The following SLX4IP variants were observed in gnomAD, a reference collection of about 807,000 sequenced individuals.
The protein encoded by SLX4IP is protein SLX4IP.
In SLX4IP, 34 loss-of-function variants were observed where a neutral mutation model predicts 32.9. That is an observed-to-expected ratio of 1.03 (90% CI 0.79 to 1.38). The LOEUF is 1.38. SLX4IP is among the 40% of genes most tolerant of loss of function. The pLI is 0.00. For synonymous variants in SLX4IP, 172 were observed against 171.7 expected (o/e 1.00, Z -0.01); for missense variants, 444 against 479.0 (o/e 0.93, Z 0.68).
intron 2 of SLX4IP, among the ~76,000 whole-genome samples, chr20:10,528,208 G>A (rs968296795): frequency 6.6e-6 from 1 of 152,042 alleles, no homozygotes; most frequent in Non-Finnish European, 1.5e-5. Context: ...CTAACTTTGC[G>A]CTATTCTTGC....
chr20:10,519,401 GT>G (rs763130717), intron 2 of SLX4IP, among the ~76,000 whole-genome samples: 7 of 152,028 alleles, frequency 4.6e-5, no homozygotes, highest in Non-Finnish European at 8.8e-5. Flanking sequence ...CTTGGCAACT[GT>G]TTATTTACTT....
intron 4 of SLX4IP, among the ~76,000 whole-genome samples, chr20:10,576,976 T>C (rs764893859): frequency 1.3e-5 from 2 of 152,194 alleles, no homozygotes; most frequent in Non-Finnish European, 2.9e-5. Context: ...AAATATATTT[T>C]ACACAGTTTT....
At chr20:10,510,837 C>G (rs554249328) in intron 2 of SLX4IP, among the ~76,000 whole-genome samples, 3 of 152,172 alleles carry the variant, frequency 2.0e-5, no homozygotes, top group African/African-American at 7.2e-5. Context: ...ATCTCTCGAC[C>G]TCATGATCCA....
At chr20:10,584,044 A>C (rs548487484) in intron 4 of SLX4IP, among the ~76,000 whole-genome samples, 17 of 152,232 alleles carry the variant, frequency 1.1e-4, no homozygotes, top group Non-Finnish European at 2.2e-4. Flanking sequence ...TAAGGCTTAC[A>C]TATCAGCCCA....
chr20:10,598,295 G>C (rs543077932), intron 4 of SLX4IP, among the ~76,000 whole-genome samples: 1 of 152,284 alleles, frequency 6.6e-6, no homozygotes, highest in South Asian at 2.1e-4. Flanking sequence ...TTTAGATAGA[G>C]TCTCGCTCTG....
At chr20:10,522,884 T>C (rs1322204460) in intron 2 of SLX4IP, among the ~76,000 whole-genome samples, 3 of 152,176 alleles carry the variant, frequency 2.0e-5, no homozygotes, top group African/African-American at 4.8e-5. Context: ...GGGCCTTCTG[T>C]GAATAAGAAT....
intron 6 of SLX4IP, among the ~76,000 whole-genome samples, chr20:10,606,382 G>A (rs2066906005): frequency 6.6e-6 from 1 of 152,136 alleles, no homozygotes; most frequent in Non-Finnish European, 1.5e-5. Context: ...TTCAAGAAAA[G>A]AATTCTCTAT....
chr20:10,569,474 A>AT (rs1200957983), intron 4 of SLX4IP, among the ~76,000 whole-genome samples: 7 of 150,632 alleles, frequency 4.6e-5, no homozygotes, highest in Admixed American at 1.3e-4. Context: ...CCAGATCTAG[A>AT]TTTTTTTTTT....
At chr20:10,457,958 G>A (rs573163484) in intron 1 of SLX4IP, among the ~76,000 whole-genome samples, 1 of 151,982 alleles carries the variant, frequency 6.6e-6, no homozygotes, top group Non-Finnish European at 1.5e-5. Context: ...GATTATAGGT[G>A]TGAGCCACCA....
At chr20:10,557,319 G>A (rs1276815045) in intron 3 of SLX4IP, among the ~76,000 whole-genome samples, 2 of 152,054 alleles carry the variant, frequency 1.3e-5, no homozygotes, top group African/African-American at 4.8e-5. Context: ...TCATTCAAAG[G>A]ATAATATTAT....
At chr20:10,565,078 C>G (rs16991805) in intron 4 of SLX4IP, among the ~76,000 whole-genome samples, 17,011 of 151,968 alleles carry the variant, frequency 0.11, 1,108 homozygotes, top group South Asian at 0.27. Flanking sequence ...TTGGTCGAGG[C>G]CCGTCTTGAT....
chr20:10,451,058 G>A (rs1568686395), intron 1 of SLX4IP, among the ~76,000 whole-genome samples: 2 of 137,440 alleles, frequency 1.5e-5, no homozygotes, highest in South Asian at 4.7e-4. Context: ...GGCAGGCCTA[G>A]TGTTTTTGTA....
chr20:10,485,749 A>G (rs1442431943), intron 2 of SLX4IP, among the ~76,000 whole-genome samples: 1 of 152,208 alleles, frequency 6.6e-6, no homozygotes, highest in Non-Finnish European at 1.5e-5. Context: ...TATATGTACT[A>G]TATACTGTAT....
rs145764948 is a variant in SLX4IP at position 10,577,338 on chromosome 20, T to C, written c.238+16518T>C. Among the ~76,000 whole-genome samples, 688 of 152,322 alleles carry C rather than the reference T, an allele frequency of 4.5e-3. 3 individuals carry two copies. Among genetic ancestry groups the C allele is most frequent in the Non-Finnish European group, 7.2e-3 (490 of 68,032 alleles). ...CATTTTTAGCTTATTCAATCTTTTT[T>C]TCCTCTAGCTTTTTATAAAAGTGAA... On this transcript the variant is annotated intron_variant, in intron 4 of 7. Transcript: ENST00000334534.
chr20:10,521,667 G>A (rs1018930447), intron 2 of SLX4IP, among the ~76,000 whole-genome samples: 1 of 152,200 alleles, frequency 6.6e-6, no homozygotes, highest in African/African-American at 2.4e-5. Context: ...TAGGAACCAA[G>A]TCACCAGGAA....
chr20:10,506,719 A>G (rs1568714136), intron 2 of SLX4IP, among the ~76,000 whole-genome samples: 1 of 152,208 alleles, frequency 6.6e-6, no homozygotes, highest in Non-Finnish European at 1.5e-5. Context: ...ACCATAAACA[A>G]TAACTGGAAT....
chr20:10,490,069 T>C (rs1411503307), intron 2 of SLX4IP, among the ~76,000 whole-genome samples: 2 of 152,088 alleles, frequency 1.3e-5, no homozygotes, highest in Non-Finnish European at 2.9e-5. Context: ...GTATGGATTA[T>C]GAATGACACA....
At chr20:10,550,963 C>A (rs1025211543) in intron 2 of SLX4IP, among the ~76,000 whole-genome samples, 1 of 152,160 alleles carries the variant, frequency 6.6e-6, no homozygotes, top group African/African-American at 2.4e-5. Flanking sequence ...TGGCTAGTGC[C>A]CCTGTGAAAC....
intron 2 of SLX4IP, among the ~76,000 whole-genome samples, chr20:10,462,906 A>T (rs548290977): frequency 2.0e-5 from 3 of 152,384 alleles, no homozygotes; most frequent in African/African-American, 7.2e-5. Context: ...ACACAAGTGC[A>T]TGGGAGTCAT....
Sources: gnomAD v4.1 joint callset for allele counts (sites outside exome capture counted in the v4.1 genomes callset) on GRCh38, gnomAD v4.1.1 for gene constraint, MANE v1.5 for transcripts, NCBI Gene and HGNC (gene_info 2026-07-23, HGNC 2026-07-21) for gene names.